The following UMAD1 variants were observed in gnomAD, a reference collection of about 807,000 sequenced individuals.
UMAD1 encodes UBAP1-MVB12-associated (UMA) domain containing 1.
UMAD1 carries 8 observed loss-of-function variants against 6.1 expected under a neutral mutation model. The ratio of observed to expected loss-of-function variants is 1.30; its 90% CI spans 0.76 to 2.35. UMAD1 has a LOEUF of 2.35. Ranked by LOEUF, UMAD1 falls within the 30% of genes most tolerant of loss-of-function variation. The pLI is 0.00. For synonymous variants in UMAD1, 56 were observed against 31.4 expected (o/e 1.78, Z -2.61); for missense variants, 130 against 78.4 (o/e 1.66, Z -2.49).
intron 1 of UMAD1, among the ~76,000 whole-genome samples, chr7:7,672,017 T>C (rs1263217146): frequency 4.6e-5 from 7 of 152,200 alleles, no homozygotes. Flanking sequence ...TTGGGGTTCA[T>C]ATCCTTCTCT....
At chr7:7,778,269 TGTGTGTGA>T (rs1292766562) in intron 2 of UMAD1, among the ~76,000 whole-genome samples, 50 of 111,676 alleles carry the variant, frequency 4.5e-4, no homozygotes, top group Admixed American at 2.3e-3. Context: ...TGTGTGTGTG[TGTGTGTGA>T]GAGAGAGAGA....
intron 2 of UMAD1, among the ~76,000 whole-genome samples, chr7:7,793,599 A>G (rs9784958): frequency 9.5e-4 from 144 of 152,290 alleles, no homozygotes; most frequent in Non-Finnish European, 1.6e-3. Context: ...TTCTTTATAG[A>G]TTATCAACTA....
chr7:7,778,091 T>G (rs947290286), intron 2 of UMAD1, among the ~76,000 whole-genome samples: 1 of 152,214 alleles, frequency 6.6e-6, no homozygotes, highest in South Asian at 2.1e-4. Flanking sequence ...GCAACTTTAA[T>G]ATTATGACAT....
chr7:7,699,246 T>C (rs907064006), intron 2 of UMAD1, among the ~76,000 whole-genome samples: 2 of 152,152 alleles, frequency 1.3e-5, no homozygotes, highest in South Asian at 2.1e-4. Flanking sequence ...TTCCTTCTTA[T>C]CAGACTCATT....
chr7:7,707,372 T>A (rs1033839302), intron 2 of UMAD1, among the ~76,000 whole-genome samples: 2 of 152,160 alleles, frequency 1.3e-5, no homozygotes, highest in African/African-American at 4.8e-5. Context: ...TTGCCTTGAA[T>A]GACTTTCCCT....
chr7:7,725,852 A>C (rs1256049822), intron 2 of UMAD1, among the ~76,000 whole-genome samples: 1 of 152,232 alleles, frequency 6.6e-6, no homozygotes, highest in African/African-American at 2.4e-5. Flanking sequence ...GGAAGAGAAG[A>C]CTAGGGTCTG....
chr7:7,789,244 T>A (rs1239081816), intron 2 of UMAD1, among the ~76,000 whole-genome samples: 1 of 151,612 alleles, frequency 6.6e-6, no homozygotes, highest in Non-Finnish European at 1.5e-5. Context: ...AGGCTTTTTA[T>A]TGAGCCGTAA....
At chr7:7,722,036 C>T (rs1415993012) in intron 2 of UMAD1, among the ~76,000 whole-genome samples, 1 of 152,040 alleles carries the variant, frequency 6.6e-6, no homozygotes, top group South Asian at 2.1e-4. Flanking sequence ...GAACATTGGA[C>T]TGTAAGTTCT....
chr7:7,870,387 A>T (rs974553296), intron 3 of UMAD1, among the ~76,000 whole-genome samples: 8 of 152,226 alleles, frequency 5.3e-5, no homozygotes, highest in African/African-American at 1.9e-4. Flanking sequence ...AAAATAACAA[A>T]TACGCTTTAT....
rs1312898656 is a variant in UMAD1 at position 7,679,633 on chromosome 7, A to G, written c.82+6180A>G. On this transcript the variant is annotated intron_variant, in intron 2 of 3. Transcript: ENST00000682710. The stretch of plus-strand genomic sequence containing the variant: ...TTTATAGATAAATATATATTTATAT[A>G]TTTAATTTATAGATAAATATATATT... 1.0e-4 allele frequency among the ~76,000 whole-genome samples: 7 copies of G among 69,580 alleles called. 1 individual carries two copies. Among genetic ancestry groups the G allele is most frequent in the African/African-American group, 4.3e-4 (7 of 16,366 alleles). 45.6% of individuals were successfully genotyped at this position (69,580 alleles called of 152,430 possible). A position where few individuals can be genotyped will look rare whatever the true frequency, so the allele number is the denominator to read the frequency against.
At chr7:7,856,999 C>T (rs1408467615) in intron 3 of UMAD1, among the ~76,000 whole-genome samples, 1 of 151,954 alleles carries the variant, frequency 6.6e-6, no homozygotes, top group African/African-American at 2.4e-5. Flanking sequence ...GTTGATGATC[C>T]CAGGTATTTT....
intron 2 of UMAD1, among the ~76,000 whole-genome samples, chr7:7,778,275 T>TGTGTGTGA (rs1271237125): frequency 8.1e-4 from 90 of 110,634 alleles, no homozygotes; most frequent in Middle Eastern, 4.2e-3. Context: ...TGTGTGTGTG[T>TGTGTGTGA]GAGAGAGAGA....
At chr7:7,778,528 A>C (rs981293858) in intron 2 of UMAD1, among the ~76,000 whole-genome samples, 2 of 151,604 alleles carry the variant, frequency 1.3e-5, no homozygotes, top group African/African-American at 2.4e-5. Flanking sequence ...TGATCATCCA[A>C]TCTTAGCCTC....
chr7:7,818,423 A>C (rs111487757), intron 3 of UMAD1, among the ~76,000 whole-genome samples: 1,903 of 152,340 alleles, frequency 0.012, 10 homozygotes, highest in Middle Eastern at 0.024. Context: ...AAAGCTCAAC[A>C]TCACTGATCA....
intron 3 of UMAD1, among the ~76,000 whole-genome samples, chr7:7,851,735 G>A (rs1783921865): frequency 6.6e-6 from 1 of 152,044 alleles, no homozygotes; most frequent in Admixed American, 6.6e-5. Flanking sequence ...TTAATTCATT[G>A]TCTTTTGAGT....
chr7:7,844,778 C>G (rs1303344953), intron 3 of UMAD1, among the ~76,000 whole-genome samples: 1 of 152,112 alleles, frequency 6.6e-6, no homozygotes, highest in Non-Finnish European at 1.5e-5. Context: ...ATGTAAGATG[C>G]TAGTGATCCA....
chr7:7,794,378 T>A (rs1338698017), intron 2 of UMAD1, among the ~76,000 whole-genome samples: 2 of 152,132 alleles, frequency 1.3e-5, no homozygotes, highest in African/African-American at 4.8e-5. Flanking sequence ...TGTTGAAGAA[T>A]GTGGCTTATA....
At chr7:7,692,616 T>A (rs1273913069) in intron 2 of UMAD1, 2 of 152,206 alleles carry the variant, frequency 1.3e-5, no homozygotes, top group African/African-American at 4.8e-5. Flanking sequence ...ATTTTTTGTT[T>A]GTTTGTTTGT....
chr7:7,793,741 T>C (rs1015208047), intron 2 of UMAD1, among the ~76,000 whole-genome samples: 2 of 152,186 alleles, frequency 1.3e-5, no homozygotes, highest in African/African-American at 4.8e-5. Flanking sequence ...GGGTTAGCAT[T>C]GTCTAAAATG....
Sources: gnomAD v4.1 joint callset for allele counts (sites outside exome capture counted in the v4.1 genomes callset) on GRCh38, gnomAD v4.1.1 for gene constraint, MANE v1.5 for transcripts, NCBI Gene and HGNC (gene_info 2026-07-23, HGNC 2026-07-21) for gene names.